The following GOSR2 variants were observed in gnomAD, a reference collection of about 807,000 sequenced individuals.
The protein encoded by GOSR2 is 27 kDa Golgi SNARE protein.
In GOSR2, 20 loss-of-function variants were observed where a neutral mutation model predicts 27.9. That is an observed-to-expected ratio of 0.72 (90% confidence interval 0.50 to 1.04). The LOEUF (loss-of-function observed/expected upper bound fraction) is 1.04, where lower values mean the gene tolerates loss of function less well. Ranked by LOEUF, GOSR2 falls within the 50% of genes least tolerant of loss-of-function variation. The probability of loss-of-function intolerance (pLI) is 0.00; values close to 1 mark genes in which losing one functional copy is unlikely to be tolerated. For missense variants in GOSR2, 261 were observed against 270.5 expected (o/e 0.97, Z 0.25); for synonymous variants, 91 against 98.8 (o/e 0.92, Z 0.47).
chr17:46,968,779 C>G (rs1210549926), downstream of GOSR2: 1 of 152,300 alleles, frequency 6.6e-6, no homozygotes, highest in East Asian at 1.9e-4. Context: ...ACTGGAACAT[C>G]AGGGCATCTC....
intron 1 of GOSR2, among the ~76,000 whole-genome samples, chr17:46,927,649 C>T (rs2086683599): frequency 6.6e-6 from 1 of 152,160 alleles, no homozygotes; most frequent in Non-Finnish European, 1.5e-5. Context: ...TTCAAAAGCT[C>T]CCAAATAACG....
At chr17:46,951,400 AG>A (rs1225101666) in intron 6 of GOSR2, among the ~76,000 whole-genome samples, 1 of 152,142 alleles carries the variant, frequency 6.6e-6, no homozygotes, top group African/African-American at 2.4e-5. Context: ...TTCCCACCCC[AG>A]CTTTCTGAGC....
At chr17:46,934,851 T>C (rs1267179563) in intron 4 of GOSR2, among the ~76,000 whole-genome samples, 178 bp from the exon 5 acceptor site, 1 of 152,222 alleles carries the variant, frequency 6.6e-6, no homozygotes, top group Non-Finnish European at 1.5e-5. Context: ...TCCTCTTCTG[T>C]GTGGACAGAG....
intron 6 of GOSR2, among the ~76,000 whole-genome samples, chr17:46,950,924 CAG>C (rs1167824967): frequency 1.3e-5 from 2 of 152,154 alleles, no homozygotes; most frequent in African/African-American, 4.8e-5. Flanking sequence ...GATCTGGAGT[CAG>C]AGGGGGAAGT....
intron 6 of GOSR2, among the ~76,000 whole-genome samples, chr17:46,974,659 G>A (rs1037080473): frequency 1.3e-5 from 2 of 151,990 alleles, no homozygotes; most frequent in African/African-American, 2.4e-5. Flanking sequence ...GCGTGAACCC[G>A]GGAGGCAGAG....
intron 6 of GOSR2, among the ~76,000 whole-genome samples, chr17:46,961,967 A>G (rs1231110229): frequency 6.6e-6 from 1 of 152,190 alleles, no homozygotes; most frequent in Admixed American, 6.5e-5. Flanking sequence ...TTGTTCAAAA[A>G]CTGTGCAAAT....
chr17:46,935,131 A>T lies in GOSR2; in HGVS notation c.439A>T (p.Ile147Phe). Reference protein sequence around the residue: ...MDDLILDGHNILDGLRTQRLT... With the variant: ...MDDLILDGHNFLDGLRTQRLT... ...TGACCTCATTTTAGATGGGCACAATATTTTAGATGGACTGAGGACCCAGAG... is the reference window on the plus strand; with the variant it reads ...TGACCTCATTTTAGATGGGCACAATTTTTTAGATGGACTGAGGACCCAGAG... Residue 147 changes from isoleucine (I) to phenylalanine (F), a missense_variant, in exon 5 of 6, where the codon ATT becomes TTT. Transcript: ENST00000640051. 6.2e-7 allele frequency: 1 copy of T among 1,614,086 alleles called. No homozygotes were observed. Among genetic ancestry groups the T allele is most frequent in the Non-Finnish European group, 8.5e-7 (1 of 1,179,922 alleles).
Position 46,938,638 on chromosome 17 carries a change from G to A in GOSR2, c.517G>A (p.Gly173Ser). The A allele has an allele frequency of 6.2e-7, 1 of 1,614,100 alleles. No individual in the cohort carries two copies. Among genetic ancestry groups the A allele is most frequent in the Non-Finnish European group, 8.5e-7 (1 of 1,180,024 alleles). Residue 173 changes from glycine (G) to serine (S), a missense_variant, in exon 6 of 6, where the codon GGC becomes AGC. Transcript: ENST00000640051. ...KKILDIANML[G>S]LSNTVMRLIE... ...GATCCTTGACATTGCCAACATGCTG[G>A]GCTTGTCCAACACAGTGATGCGGCT...
At chr17:46,929,426 C>G in intron 1 of GOSR2, 94 bp from the exon 2 acceptor site, 1 of 760,868 alleles carries the variant, frequency 1.3e-6, no homozygotes, top group Non-Finnish European at 2.4e-6. Context: ...CGATTTAAAT[C>G]AGTTACATGT....
At chr17:46,945,782 C>T (rs1289887787), downstream of GOSR2, among the ~76,000 whole-genome samples, 1 of 152,148 alleles carries the variant, frequency 6.6e-6, no homozygotes. Flanking sequence ...GTGGGGACCT[C>T]TATAGGAGGG....
chr17:46,936,626 T>C (rs2088420968), intron 5 of GOSR2: 35 of 985,238 alleles, frequency 3.6e-5, no homozygotes, highest in Non-Finnish European at 4.0e-5. Flanking sequence ...GGGGCCAATT[T>C]GTGGCTGAAA....
chr17:46,965,582 C>T (rs1286728084), intron 6 of GOSR2, among the ~76,000 whole-genome samples: 1 of 151,896 alleles, frequency 6.6e-6, no homozygotes, highest in Non-Finnish European at 1.5e-5. Flanking sequence ...GGTTTCTGCT[C>T]CACCCAGGGC....
At chr17:46,975,123 G>A (rs1296479446) in intron 6 of GOSR2, 1 of 150,838 alleles carries the variant, frequency 6.6e-6, no homozygotes, top group African/African-American at 2.4e-5. Flanking sequence ...TCTATTAAAT[G>A]CCAGGCATTG....
At chr17:46,950,941 G>A (rs372428937) in intron 6 of GOSR2, among the ~76,000 whole-genome samples, 1 of 152,182 alleles carries the variant, frequency 6.6e-6, no homozygotes, top group African/African-American at 2.4e-5. Context: ...GGAAGTCACC[G>A]ACTCCCAATC....
chr17:46,969,564 C>T (rs1185862212), downstream of GOSR2, among the ~76,000 whole-genome samples: 1 of 152,226 alleles, frequency 6.6e-6, no homozygotes, highest in Non-Finnish European at 1.5e-5. Flanking sequence ...CTTCCCTGCT[C>T]CAGGCTGGGA....
downstream of GOSR2, among the ~76,000 whole-genome samples, chr17:46,967,537 G>A (rs139469337): frequency 2.4e-4 from 37 of 152,296 alleles, no homozygotes; most frequent in East Asian, 7.1e-3. Context: ...AAGGAGAGAG[G>A]CATTTTGGGG....
intron 6 of GOSR2, among the ~76,000 whole-genome samples, chr17:46,950,185 G>A (rs1013001194): frequency 1.3e-5 from 2 of 152,188 alleles, no homozygotes; most frequent in South Asian, 4.1e-4. Context: ...AAGAGTTCAC[G>A]GGGGCTGAGA....
At chr17:46,933,355 G>A (rs197925) in intron 4 of GOSR2, 62,476 of 152,036 alleles carry the variant, frequency 0.41, 12,838 homozygotes, top group South Asian at 0.5. Context: ...TAGATGGGAG[G>A]GTAAGAAAGA....
chr17:46,929,754 T>C, intron 2 of GOSR2, 170 bp downstream of exon 2: 1 of 609,844 alleles, frequency 1.6e-6, no homozygotes, highest in South Asian at 1.8e-5. Context: ...TTTCCCTGAG[T>C]GTGCCCTTTG....
Sources: allele counts gnomAD v4.1 joint callset (sites outside exome capture counted in the v4.1 genomes callset), GRCh38; gene constraint gnomAD v4.1.1; transcripts MANE v1.5; gene names NCBI Gene and HGNC (gene_info 2026-07-23, HGNC 2026-07-21).